The following METTL23 variants were observed in gnomAD, a reference collection of about 807,000 sequenced individuals.
METTL23 encodes histone-arginine methyltransferase METTL23.
In METTL23, 24 loss-of-function variants were observed where a neutral mutation model predicts 21.2. The observed-to-expected ratio is 1.13, with a 90% confidence interval of 0.82 to 1.59. The LOEUF (loss-of-function observed/expected upper bound fraction) is 1.59. Among genes scored for constraint, METTL23 ranks in the 40% most tolerant of loss-of-function variants. METTL23 has a pLI of 0.00. For missense variants in METTL23, 276 were observed against 221.4 expected, an observed-to-expected ratio of 1.25 and a Z score of -1.57; for synonymous variants, 97 against 75.2, an observed-to-expected ratio of 1.29 and a Z score of -1.50.
chr17:76,728,137 G>A (rs1341367468), intron 1 of METTL23, among the ~76,000 whole-genome samples: 1 of 151,958 alleles, frequency 6.6e-6, no homozygotes, highest in Non-Finnish European at 1.5e-5. Context: ...TCCGGAGGGT[G>A]AGGTGGGAGG....
At chr17:76,732,938 C>G (rs770104202) in intron 2 of METTL23, 40 bp from the exon 3 acceptor site, 24 of 1,475,854 alleles carry the variant, frequency 1.6e-5, no homozygotes, top group Non-Finnish European at 1.8e-5. Flanking sequence ...TTTGCAGTTC[C>G]AAGTATAATT....
chr17:76,727,526 G>A (rs181657872), intron 1 of METTL23, among the ~76,000 whole-genome samples: 1 of 152,154 alleles, frequency 6.6e-6, no homozygotes, highest in Non-Finnish European at 1.5e-5. Flanking sequence ...AATCTTTCCT[G>A]CCAGGAAAGT....
intron 1 of METTL23, among the ~76,000 whole-genome samples, chr17:76,727,794 G>A (rs2077011909): frequency 6.6e-6 from 1 of 152,088 alleles, no homozygotes; most frequent in Non-Finnish European, 1.5e-5. Context: ...GCAGTGGCGC[G>A]ATCACAGCTC....
chr17:76,726,205 GACC>G, upstream of METTL23: 2 of 1,167,392 alleles, frequency 1.7e-6, no homozygotes, highest in Non-Finnish European at 2.3e-6. Context: ...GCGCCTCGGG[GACC>G]CCAAACTCCG....
Position 76,733,606 on chromosome 17 carries a change from G to T in METTL23, c.493G>T (p.Glu165Ter), listed in dbSNP as rs1023390952. The T allele has an allele frequency of 6.2e-7, 1 of 1,613,760 alleles. No individual in the cohort carries two copies. The highest frequency in any genetic ancestry group is 8.5e-7 in the Non-Finnish European group (1 of 1,179,788). Reference protein sequence around the residue: ...IPLESFDADKEDIAESTLPGR... With the variant: ...IPLESFDADK Reference sequence around the variant, plus strand: ...TCTTGAGTCTTTTGATGCAGACAAAGAAGATATAGCAGAATCTACCCTTCC... The same window carrying T: ...TCTTGAGTCTTTTGATGCAGACAAATAAGATATAGCAGAATCTACCCTTCC... The change falls in exon 5 of 5, where the codon GAA (glutamate) becomes TAA (stop). Residue 165 changes from glutamate to a stop codon, truncating the protein, a stop_gained. Transcript: ENST00000341249. LOFTEE classifies it high-confidence loss of function.
At chr17:76,726,822 CT>C, upstream of METTL23, 1 of 387,552 alleles carries the variant, frequency 2.6e-6, no homozygotes, top group South Asian at 2.0e-5. Flanking sequence ...CCCTCCCGCG[CT>C]GCCGCTGTGC....
chr17:76,732,519 TTGG>T (rs2077257741), intron 2 of METTL23: 1 of 168,838 alleles, frequency 5.9e-6, no homozygotes, highest in African/African-American at 2.4e-5. Context: ...TTAGCTGGGC[TTGG>T]TGGCCAGTTA....
chr17:76,726,226 C>A, upstream of METTL23: 2 of 1,301,064 alleles, frequency 1.5e-6, no homozygotes, highest in African/African-American at 1.6e-5. Context: ...CCGCGGGGTG[C>A]GGGTGAGCCT....
chr17:76,727,943 C>T (rs1227156438), intron 1 of METTL23, among the ~76,000 whole-genome samples: 2 of 152,194 alleles, frequency 1.3e-5, no homozygotes, highest in African/African-American at 4.8e-5. Context: ...TTGGTTTTAA[C>T]ACCAGCCTGT....
chr17:76,726,823 T>A (rs1028586398), upstream of METTL23: 1 of 324,610 alleles, frequency 3.1e-6, no homozygotes, highest in Non-Finnish European at 5.8e-6. Flanking sequence ...CCTCCCGCGC[T>A]GCCGCTGTGC....
At chr17:76,732,315 C>T (rs2077246334) in intron 2 of METTL23, among the ~76,000 whole-genome samples, 1 of 152,144 alleles carries the variant, frequency 6.6e-6, no homozygotes. Context: ...GCCTGACCAA[C>T]AGGGAGAAAC....
Position 76,733,648 on chromosome 17 carries a change from G to A in METTL23, c.535G>A (p.Glu179Lys). 6.2e-7 allele frequency: 1 copy of A among 1,613,752 alleles called. No individual in the cohort carries two copies. The highest frequency in any genetic ancestry group is 8.5e-7 in the Non-Finnish European group (1 of 1,179,820). Residue 179 changes from glutamate (E) to lysine (K), a missense_variant, in exon 5 of 5, where the codon GAA becomes AAA. Glu to Lys is a moderately conservative substitution (Grantham distance 56). Coordinates refer to ENST00000341249, the MANE Select transcript of METTL23 (RefSeq NM_001080510.5). ...ESTLPGRHTV[E>K]MLVISFAKDS... ...TACCCTTCCAGGAAGACATACAGTT[G>A]AAATGCTGGTCATTTCCTTTGCAAA... is the stretch of plus-strand genomic sequence containing the variant.
Position 76,732,974 on chromosome 17 carries a change from T to G in METTL23, c.85-4T>G. ...GTGAAATGCCATCTTTCATAACTTA[T>G]TAGATTGGAGCTGGAGTGAGCCTTC... On this transcript the variant is annotated splice_polypyrimidine_tract_variant and splice_region_variant and intron_variant, in intron 2 of 4. Transcript: ENST00000341249. The G allele has an allele frequency of 6.4e-7, 1 of 1,561,464 alleles. No individual in the cohort carries two copies. The highest frequency in any genetic ancestry group is 8.7e-7 in the Non-Finnish European group (1 of 1,151,006).
rs1300950745 is a variant in METTL23 at position 76,733,074 on chromosome 17, G to T, written c.181G>T (p.Val61Phe). The T allele has an allele frequency of 2.5e-6, 4 of 1,609,166 alleles. No individual in the cohort carries two copies. The South Asian group carries it at 3.3e-5, about 13-fold the overall frequency. The change falls in exon 3 of 5, where the codon GTC (valine) becomes TTC (phenylalanine). Residue 61 changes from valine to phenylalanine, a missense_variant. By Grantham distance (50) the Val-to-Phe change is conservative. Coordinates refer to ENST00000341249, the MANE Select transcript of METTL23 (RefSeq NM_001080510.5). ...CTCAGAACTGCCTCACTGTCTGGAAGTCTGTCGGCAAAGCTGCCAAATGAA... is the reference window on the plus strand; with the variant it reads ...CTCAGAACTGCCTCACTGTCTGGAATTCTGTCGGCAAAGCTGCCAAATGAA... ...DSSELPHCLE[V>F]CRQSCQMNNL...
chr17:76,726,895 C>T lies in METTL23; in HGVS notation c.-305C>T. ...TTCTGCGCGTGTGAGTCTCTTTCGC[C>T]TTGCTCCGGGCTTTCTTCGCTCGCA... On this transcript the variant is annotated 5_prime_UTR_variant, in exon 1 of 5. Coordinates refer to ENST00000341249, the MANE Select transcript of METTL23 (RefSeq NM_001080510.5). The T allele has an allele frequency of 2.2e-6, 1 of 452,854 alleles. No individual in the cohort carries two copies. The highest frequency in any genetic ancestry group is 1.6e-5 in the South Asian group (1 of 64,466). 28.1% of individuals were successfully genotyped at this position (452,854 alleles called of 1,614,324 possible).
At chr17:76,731,117 AAG>A (rs1491252270) in intron 2 of METTL23, among the ~76,000 whole-genome samples, 9 of 150,952 alleles carry the variant, frequency 6.0e-5, no homozygotes, top group African/African-American at 2.0e-4. Context: ...AAAAAAAAAA[AAG>A]ATAAAATTAG....
upstream of METTL23, chr17:76,726,679 C>G (rs1466393036): frequency 3.0e-6 from 2 of 658,030 alleles, no homozygotes; most frequent in Admixed American, 6.3e-5. Flanking sequence ...CCGCCGTCTT[C>G]CCCGCCCCGA....
chr17:76,732,151 A>C (rs2077234590), intron 2 of METTL23, among the ~76,000 whole-genome samples: 1 of 145,586 alleles, frequency 6.9e-6, no homozygotes. Context: ...TGAGGTCAGG[A>C]GTTCAAGACC....
At chr17:76,728,355 C>G (rs2077045993) in intron 1 of METTL23, among the ~76,000 whole-genome samples, 1 of 145,118 alleles carries the variant, frequency 6.9e-6, no homozygotes. Context: ...CCCACCTCAG[C>G]CTTTCAAGTA....
Sources: allele counts gnomAD v4.1 joint callset (sites outside exome capture counted in the v4.1 genomes callset), GRCh38; gene constraint gnomAD v4.1.1; transcripts MANE v1.5; gene names NCBI Gene and HGNC (gene_info 2026-07-23, HGNC 2026-07-21).